The following GRK6 variants were observed in gnomAD, a reference collection of about 807,000 sequenced individuals.
GRK6 encodes the protein G protein-coupled receptor kinase 6.
In GRK6, 37 loss-of-function variants were observed where a neutral mutation model predicts 80.8. The ratio of observed to expected loss-of-function variants is 0.46; its 90% CI spans 0.35 to 0.60. GRK6 has a LOEUF of 0.60. GRK6 is among the 20% of genes least tolerant of loss of function. The pLI, the probability that GRK6 is intolerant of heterozygous loss-of-function variation, is 0.00. For missense variants in GRK6, 560 were observed against 784.6 expected (o/e 0.71, Z 3.42); for synonymous variants, 295 against 320.9 (o/e 0.92, Z 0.86).
Position 177,434,047 on chromosome 5 carries a change from ACGC to A in GRK6, c.878_880del (p.Ala293del), listed in dbSNP as rs1475350457. On this transcript the variant is annotated inframe_deletion, in exon 9 of 16. Coordinates refer to ENST00000355472, the MANE Select transcript of GRK6 (RefSeq NM_001004106.3). ...TTCCCCGAAGCGCGGGCCGTCTTCT[ACGC>A]CGCCGAGATCTGCTGTGGCCTGGAG... is the stretch of plus-strand genomic sequence containing the variant. 1 of 1,610,118 alleles carries A rather than the reference ACGC, an allele frequency of 6.2e-7. No individual in the cohort carries two copies. Among genetic ancestry groups the A allele is most frequent in the Admixed American group, 1.7e-5 (1 of 59,798 alleles).
intron 15 of GRK6, chr5:177,441,302 C>T (rs1406238242): frequency 3.9e-6 from 6 of 1,551,096 alleles, no homozygotes; most frequent in Admixed American, 1.9e-5. Context: ...CGGGGAGCCA[C>T]GGGCAGCCCT....
intron 2 of GRK6, 43 bp from the exon 3 acceptor site, chr5:177,431,952 G>A (rs1554099211): frequency 6.4e-7 from 1 of 1,563,470 alleles, no homozygotes; most frequent in South Asian, 1.1e-5. Context: ...CCACCCATGT[G>A]CTCTCGGGCT....
chr5:177,427,556 T>C (rs957292886), intron 1 of GRK6, among the ~76,000 whole-genome samples: 1 of 152,208 alleles, frequency 6.6e-6, no homozygotes, highest in African/African-American at 2.4e-5. Flanking sequence ...GAAACCAGTC[T>C]GGTGGACCGA....
At chr5:177,430,698 G>T in intron 1 of GRK6, 174 bp from the exon 2 acceptor site, 2 of 611,828 alleles carry the variant, frequency 3.3e-6, no homozygotes, top group Admixed American at 2.9e-5. Context: ...GGAGAAGCAC[G>T]TGTGTCCTGG....
intron 10 of GRK6, 32 bp downstream of exon 10, chr5:177,434,971 G>T: frequency 6.2e-7 from 1 of 1,613,060 alleles, no homozygotes; most frequent in South Asian, 1.1e-5. Flanking sequence ...GGGTCAGGGT[G>T]GGGTGAGATG....
intron 11 of GRK6, 121 bp from the exon 12 acceptor site, chr5:177,435,952 A>G (rs1764125382): frequency 2.5e-6 from 2 of 801,864 alleles, no homozygotes; most frequent in South Asian, 3.3e-5. Context: ...CTACTGGCCA[A>G]GGTCCCCCCT....
At position 177,436,179 on chromosome 5, in the gene GRK6, G is replaced by T. The variant is rs141934602; in HGVS notation, c.1164G>T (p.Arg388Ser). 1 of 1,614,192 alleles carries T rather than the reference G, an allele frequency of 6.2e-7. No individual in the cohort carries two copies. Among genetic ancestry groups the T allele is most frequent in the East Asian group, 2.2e-5 (1 of 44,878 alleles). Residue 388 changes from arginine (R) to serine (S), a missense_variant, in exon 12 of 16, where the codon AGG becomes AGT. Transcript: ENST00000355472. ...CAGGCCAGTCGCCCTTCCAGCAGAGGAAGAAGAAGATCAAGCGGGAGGAGG... is the reference window on the plus strand; with the variant it reads ...CAGGCCAGTCGCCCTTCCAGCAGAGTAAGAAGAAGATCAAGCGGGAGGAGG... ...MIAGQSPFQQ[R>S]KKKIKREEVE...
Position 177,440,022 on chromosome 5 carries a change from T to TA in GRK6, c.1405-678_1405-677insA, listed in dbSNP as rs976898379. On this transcript the variant is annotated intron_variant, in intron 13 of 15. Coordinates refer to ENST00000355472, the MANE Select transcript of GRK6 (RefSeq NM_001004106.3). ...TGTGTGCAGATGCCGCCATTTCTCT[T>TA]GGTCTATACCTAGGAGTAGAATTAC... 1.1e-4 allele frequency: 17 copies of TA among 152,410 alleles called. 1 individual carries two copies. The highest frequency in any genetic ancestry group is 8.5e-4 in the Admixed American group (13 of 15,304). The allele number at this position is 152,410 out of a possible 1,614,324, so 9.4% of individuals were successfully genotyped here.
intron 1 of GRK6, among the ~76,000 whole-genome samples, chr5:177,430,069 G>T (rs1763823014): frequency 6.6e-6 from 1 of 151,556 alleles, no homozygotes; most frequent in Non-Finnish European, 1.5e-5. Context: ...TTATGTTAGA[G>T]TCTGCAATTC....
Position 177,440,770 on chromosome 5 carries a change from A to G in GRK6, c.1475A>G (p.Glu492Gly). 6.2e-7 allele frequency: 1 copy of G among 1,614,164 alleles called. No individual in the cohort carries two copies. Among genetic ancestry groups the G allele is most frequent in the Non-Finnish European group, 8.5e-7 (1 of 1,180,032 alleles). Residue 492 changes from glutamate to glycine, a missense_variant, in exon 14 of 16, where the codon GAG (glutamate) becomes GGG (glycine). Physicochemically the swap from Glu to Gly is moderately conservative, Grantham distance 98 (BLOSUM62 -2). Coordinates refer to ENST00000355472, the MANE Select transcript of GRK6 (RefSeq NM_001004106.3). Reference protein sequence around the residue: ...QFSTVKGVELEPTDQDFYQKF... With the variant: ...QFSTVKGVELGPTDQDFYQKF... ...TCTACGGTCAAGGGCGTGGAGCTGG[A>G]GCCTACCGACCAGGACTTCTACCAG...
Position 177,436,517 on chromosome 5 carries a change from C to T in GRK6, c.1391C>T (p.Pro464Leu), listed in dbSNP as rs745918710. The change falls in exon 13 of 16, where the codon CCG (proline) becomes CTG (leucine). Residue 464 changes from proline (P) to leucine (L), a missense_variant. Pro to Leu is a moderately conservative substitution (Grantham distance 98). Around this residue, in one of 3 missense-constraint regions of GRK6, gnomAD observed 294 missense variants for 397.4 expected, o/e 0.74. Coordinates refer to ENST00000355472, the MANE Select transcript of GRK6 (RefSeq NM_001004106.3). ...KRLGAGMLEP[P>L]FKPDPQAIYC... is the part of the protein sequence containing the mutation. The stretch of plus-strand genomic sequence containing the variant: ...CTGGGAGCTGGCATGCTGGAGCCGC[C>T]GTTCAAGCCTGACGTGAGTGCAGCC... The T allele has an allele frequency of 3.8e-6, 6 of 1,599,312 alleles. No individual in the cohort carries two copies. Among genetic ancestry groups the T allele is most frequent in the East Asian group, 2.2e-5 (1 of 44,806 alleles).
chr5:177,431,445 A>G (rs771777673), intron 2 of GRK6, among the ~76,000 whole-genome samples: 15 of 152,146 alleles, frequency 9.9e-5, no homozygotes, highest in Admixed American at 3.3e-4. Context: ...AGGGCCCAGG[A>G]CCCCAGTTCC....
rs1393973668 is a variant in GRK6 at position 177,432,268 on chromosome 5, G to C, written c.297G>C (p.Lys99Asn). ...AAGTGACCCCGGATGACAAGCGGAA[G>C]GCATGTGGGCGGCAGCTAACGCAGA... ...EYEVTPDDKR[K>N]ACGRQLTQNF... Residue 99 changes from lysine to asparagine, a missense_variant, in exon 4 of 16, where the codon AAG becomes AAC. This residue lies in a region of GRK6 where 189 missense variants were observed against 230.2 expected (regional missense o/e 0.82). Coordinates refer to ENST00000355472, the MANE Select transcript of GRK6 (RefSeq NM_001004106.3). 1.9e-6 allele frequency: 3 copies of C among 1,613,286 alleles called. No homozygotes were observed. In the African/African-American group the frequency reaches 4.0e-5, roughly 22 times the overall value.
chr5:177,436,997 G>A (rs760288573), intron 13 of GRK6, among the ~76,000 whole-genome samples: 43 of 150,876 alleles, frequency 2.9e-4, no homozygotes, highest in Non-Finnish European at 3.8e-4. Flanking sequence ...CTCTGTCCCC[G>A]AGGCTGGAGT....
chr5:177,431,547 G>T (rs1198841364), intron 2 of GRK6, among the ~76,000 whole-genome samples: 1 of 152,252 alleles, frequency 6.6e-6, no homozygotes, highest in African/African-American at 2.4e-5. Flanking sequence ...CACCCGGGCT[G>T]CTTCCACCTC....
intron 5 of GRK6, 75 bp downstream of exon 5, chr5:177,432,881 A>C: frequency 1.7e-6 from 2 of 1,207,472 alleles, no homozygotes; most frequent in South Asian, 2.7e-5. Context: ...AAGACTGTGA[A>C]CAGCTCGGTG....
At position 177,442,444 on chromosome 5, in the gene GRK6, A is replaced by G. The variant is rs537657036; in HGVS notation, c.*654A>G. The G allele has an allele frequency of 3.3e-5, 5 of 153,400 alleles. No homozygotes were observed. The highest frequency in any genetic ancestry group is 7.3e-5 in the Non-Finnish European group (5 of 68,642). The allele number at this position is 153,400 out of a possible 1,614,324, so 9.5% of individuals were successfully genotyped here. On this transcript the variant is annotated 3_prime_UTR_variant, in exon 16 of 16. Transcript: ENST00000355472. ...ATCAGCCCACTGCCCCGGCCGGCCC[A>G]GATAGGTCTGCCTCTGCCTTCCAGC...
At chr5:177,440,031 C>T (rs575694786) in intron 13 of GRK6, 3 of 152,484 alleles carry the variant, frequency 2.0e-5, no homozygotes, top group Admixed American at 2.0e-4. Flanking sequence ...TTGGTCTATA[C>T]CTAGGAGTAG....
chr5:177,441,140 G>A, intron 15 of GRK6, 87 bp downstream of exon 15: 1 of 1,542,930 alleles, frequency 6.5e-7, no homozygotes. Context: ...CGCATGCGCT[G>A]GGAGTGGGCG....
Sources: gnomAD v4.1 joint callset for allele counts (sites outside exome capture counted in the v4.1 genomes callset) on GRCh38, gnomAD v4.1.1 for gene constraint, gnomAD v4.1.1 regional missense constraint, MANE v1.5 for transcripts, NCBI Gene and HGNC (gene_info 2026-07-23, HGNC 2026-07-21) for gene names.